Variants in CRB1 observed in about 807,000 individuals in gnomAD.
The protein encoded by CRB1 is protein crumbs homolog 1.
CRB1 carries 83 observed loss-of-function variants against 120.0 expected under a neutral mutation model. That is an observed-to-expected ratio of 0.69 (90% CI 0.58 to 0.83). The LOEUF is 0.83. Among genes scored for constraint, CRB1 ranks in the 40% least tolerant of loss-of-function variants. The probability of loss-of-function intolerance (pLI) is 0.00; values close to 1 mark genes in which losing one functional copy is unlikely to be tolerated. For missense variants in CRB1, 1,699 were observed against 1,687.6 expected (o/e 1.01, Z -0.12); for synonymous variants, 625 against 612.5 (o/e 1.02, Z -0.30).
chr1:197,269,591 G>A (rs976853972), intron 1 of CRB1, among the ~76,000 whole-genome samples: 5 of 151,982 alleles, frequency 3.3e-5, no homozygotes, highest in African/African-American at 9.7e-5. Context: ...CTTAATGTGG[G>A]CCCCAGGCAA....
intron 5 of CRB1, among the ~76,000 whole-genome samples, chr1:197,382,603 A>T (rs1336037663): frequency 6.6e-6 from 1 of 152,218 alleles, no homozygotes; most frequent in Non-Finnish European, 1.5e-5. Flanking sequence ...TAAGTATCAA[A>T]TGAATGTGTT....
the CRB1 span, among the ~76,000 whole-genome samples, chr1:197,248,093 A>G: frequency 3.0e-4 from 45 of 152,132 alleles, no homozygotes; most frequent in Non-Finnish European, 4.1e-4. Context: ...GCATTTTCAT[A>G]TTCCAATTAT....
chr1:197,235,176 C>G, the CRB1 span, among the ~76,000 whole-genome samples: 1 of 152,068 alleles, frequency 6.6e-6, no homozygotes, highest in African/African-American at 2.4e-5. Flanking sequence ...CTGTCAGAGA[C>G]TCGGTAGGGG....
chr1:197,457,051 T>C (rs967260014), intron 11 of CRB1, among the ~76,000 whole-genome samples: 1 of 152,176 alleles, frequency 6.6e-6, no homozygotes, highest in African/African-American at 2.4e-5. Context: ...ATGTTGCTCA[T>C]TGTTCTTCGA....
intron 1 of CRB1, among the ~76,000 whole-genome samples, chr1:197,317,045 A>T (rs1329665825): frequency 6.6e-6 from 1 of 152,208 alleles, no homozygotes; most frequent in African/African-American, 2.4e-5. Flanking sequence ...ATGTTCATGG[A>T]TCAGAAGAAA....
chr1:197,231,278 G>A, the CRB1 span, among the ~76,000 whole-genome samples: 1 of 152,154 alleles, frequency 6.6e-6, no homozygotes, highest in Non-Finnish European at 1.5e-5. Context: ...CCCAGTGCAA[G>A]TAGAACAGGA....
At position 197,357,042 on chromosome 1, in the gene CRB1, G is replaced by A. The variant is rs769015725; in HGVS notation, c.1171+29G>A. On this transcript the variant is annotated intron_variant, in intron 5 of 11. Coordinates refer to ENST00000367400, the MANE Select transcript of CRB1 (RefSeq NM_201253.3). ...AGGCCAAGGAGATGGGATATGACTT[G>A]ACTTTCTGGTATTTTATGGCAGACC... The A allele has an allele frequency of 7.5e-6, 12 of 1,610,522 alleles. No individual in the cohort carries two copies. The South Asian group carries it at 1.3e-4, about 18-fold the overall frequency.
the CRB1 span, among the ~76,000 whole-genome samples, chr1:197,203,411 C>T: frequency 7.2e-5 from 11 of 152,124 alleles, 1 homozygote; most frequent in Non-Finnish European, 1.5e-4. Flanking sequence ...CCTCCGCTTC[C>T]CGGGTTTAAG....
the CRB1 span, among the ~76,000 whole-genome samples, chr1:197,208,429 C>T: frequency 6.6e-6 from 1 of 152,158 alleles, no homozygotes; most frequent in Non-Finnish European, 1.5e-5. Context: ...TATTGTGGTG[C>T]TCTCCCCCTT....
rs200472313 is a variant in CRB1, at chr1:197,400,304, C to CTTT, written c.1172-20677_1172-20675dup. Among the ~76,000 whole-genome samples the CTTT allele has an allele frequency of 2.0e-3, 254 of 127,054 alleles. 2 individuals are homozygous for CTTT. The highest frequency in any genetic ancestry group is 6.9e-3 in the African/African-American group (233 of 33,796). 83.4% of individuals were successfully genotyped at this position (127,054 alleles called of 152,430 possible). A position where few individuals can be genotyped will look rare whatever the true frequency, so the allele number is the denominator to read the frequency against. The stretch of plus-strand genomic sequence containing the variant: ...GGGTCAGAGATTTTGAATGTAAGAG[C>CTTT]TTTTTTTTTTTTTTTTTTTTTAAAA... On this transcript the variant is annotated intron_variant, in intron 5 of 11. Transcript: ENST00000367400.
At chr1:197,310,831 T>G (rs2125271739) in intron 1 of CRB1, among the ~76,000 whole-genome samples, 1 of 152,320 alleles carries the variant, frequency 6.6e-6, no homozygotes, top group Middle Eastern at 3.4e-3. Flanking sequence ...TATCATATGC[T>G]TCTCTTTGCA....
chr1:197,260,006 C>T, the CRB1 span, among the ~76,000 whole-genome samples: 632 of 151,382 alleles, frequency 4.2e-3, 8 homozygotes, highest in Middle Eastern at 0.014. Flanking sequence ...AAAAAATTAA[C>T]CAGGCACACG....
At chr1:197,454,267 T>A (rs1666172781) in intron 11 of CRB1, among the ~76,000 whole-genome samples, 1 of 24,370 alleles carries the variant, frequency 4.1e-5, no homozygotes, top group Admixed American at 8.8e-4. Context: ...CACAATTTTT[T>A]AAAAAGTTAC....
In CRB1 at chr1:197,328,918, A is replaced by G. The variant is rs1171425360; in HGVS notation, c.567A>G (p.Glu189=). 1 of 1,614,222 alleles carries G rather than the reference A, an allele frequency of 6.2e-7. No individual in the cohort carries two copies. The highest frequency in any genetic ancestry group is 1.3e-5 in the African/African-American group (1 of 75,072). Residue 189 remains glutamate, a synonymous_variant, in exon 2 of 12, where the codon GAA becomes GAG. Coordinates refer to ENST00000367400, the MANE Select transcript of CRB1 (RefSeq NM_201253.3). ...GACACTGCGACTTGGAAGTGGATGA[A>G]TGTGCTTCAGATCCCTGCAAGAACG... ...QGRHCDLEVD[E]CASDPCKNEA...
At chr1:197,385,397 A>G (rs796453150) in intron 5 of CRB1, among the ~76,000 whole-genome samples, 6 of 152,244 alleles carry the variant, frequency 3.9e-5, no homozygotes, top group East Asian at 1.9e-4. Flanking sequence ...TCAGGAAACT[A>G]TATGTCTAAT....
chr1:197,246,400 G>T, the CRB1 span, among the ~76,000 whole-genome samples: 1 of 152,006 alleles, frequency 6.6e-6, no homozygotes, highest in South Asian at 2.1e-4. Flanking sequence ...TGGCATTTCT[G>T]GGTTGCTGGC....
At chr1:197,222,956 A>G in the CRB1 span, 1 of 866,432 alleles carries the variant, frequency 1.2e-6, no homozygotes, top group East Asian at 2.4e-5. Flanking sequence ...GTTTGCAGAT[A>G]ACATGTACAA....
chr1:197,438,706 A>G (rs1175956647), intron 10 of CRB1, 31 bp downstream of exon 10: 1 of 1,609,436 alleles, frequency 6.2e-7, no homozygotes, highest in South Asian at 1.1e-5. Flanking sequence ...CTGGAAGAGA[A>G]TTCTGAGCTA....
chr1:197,265,396 C>T (rs1558017098), upstream of CRB1, among the ~76,000 whole-genome samples: 2 of 150,930 alleles, frequency 1.3e-5, no homozygotes, highest in African/African-American at 4.9e-5. Flanking sequence ...ATTTTTCCTT[C>T]CTTCTTTTCT....
Sources: gnomAD v4.1 joint callset for allele counts (sites outside exome capture counted in the v4.1 genomes callset) on GRCh38, gnomAD v4.1.1 for gene constraint, MANE v1.5 for transcripts, NCBI Gene and HGNC (gene_info 2026-07-23, HGNC 2026-07-21) for gene names.